The following URM1 variants were observed in gnomAD, a reference collection of about 807,000 sequenced individuals.
URM1 encodes the protein ubiquitin-related modifier 1.
In URM1, 11 loss-of-function variants were observed where a neutral mutation model predicts 17.7. That is an observed-to-expected ratio of 0.62 (90% CI 0.39 to 1.03). URM1 has a LOEUF of 1.03. Among genes scored for constraint, URM1 ranks in the 50% least tolerant of loss-of-function variants. The pLI, the probability that URM1 is intolerant of heterozygous loss-of-function variation, is 0.00. For missense variants in URM1, 128 were observed against 129.2 expected (o/e 0.99, Z 0.04); for synonymous variants, 48 against 50.6 (o/e 0.95, Z 0.22).
intron 2 of URM1, among the ~76,000 whole-genome samples, chr9:128,378,542 CAAA>C (rs58676800): frequency 8.1e-3 from 185 of 22,928 alleles, no homozygotes; most frequent in African/African-American, 0.016. Context: ...GACTCCATCT[CAAA>C]AAAAAAAAAA....
At chr9:128,377,127 C>T (rs1006112369) in intron 1 of URM1, among the ~76,000 whole-genome samples, 1 of 152,192 alleles carries the variant, frequency 6.6e-6, no homozygotes, top group African/African-American at 2.4e-5. Context: ...TCGCCTTGGC[C>T]TCCCACAGTG....
chr9:128,385,956 T>A (rs764838122), intron 2 of URM1, among the ~76,000 whole-genome samples: 26 of 152,152 alleles, frequency 1.7e-4, no homozygotes, highest in Non-Finnish European at 3.5e-4. Flanking sequence ...GGCAGCAGAC[T>A]CATCCCCCAG....
At chr9:128,371,446 T>G (rs780402101) in intron 1 of URM1, 31 bp downstream of exon 1, 3 of 1,606,494 alleles carry the variant, frequency 1.9e-6, no homozygotes, top group Admixed American at 3.4e-5. Context: ...GCCGTGGGGA[T>G]GGATTGAAGT....
chr9:128,382,537 A>AG (rs1023636730), intron 2 of URM1, among the ~76,000 whole-genome samples: 1 of 152,206 alleles, frequency 6.6e-6, no homozygotes, highest in Non-Finnish European at 1.5e-5. Context: ...CTCCTAGGCC[A>AG]GGGGAGAGCT....
intron 1 of URM1, 48 bp from the exon 2 acceptor site, chr9:128,377,988 T>C (rs763089964): frequency 6.2e-7 from 1 of 1,607,050 alleles, no homozygotes; most frequent in Non-Finnish European, 8.5e-7. Context: ...CCTCTTCCTA[T>C]TTGCAGGAGC....
chr9:128,384,948 A>G (rs1182195030), intron 2 of URM1, among the ~76,000 whole-genome samples: 1 of 152,054 alleles, frequency 6.6e-6, no homozygotes, highest in African/African-American at 2.4e-5. Flanking sequence ...AGTAATGGTA[A>G]TGGTAGTGCC....
At chr9:128,383,110 C>T (rs576546720) in intron 2 of URM1, among the ~76,000 whole-genome samples, 95 of 152,316 alleles carry the variant, frequency 6.2e-4, no homozygotes, top group African/African-American at 2.1e-3. Context: ...TTCACAGCCT[C>T]TCTGGGGCCA....
At chr9:128,372,725 T>C (rs1201373519) in intron 1 of URM1, among the ~76,000 whole-genome samples, 1 of 152,154 alleles carries the variant, frequency 6.6e-6, no homozygotes, top group Non-Finnish European at 1.5e-5. Context: ...GGATCCCTGC[T>C]TCCTTGACAG....
At chr9:128,388,509 A>C in intron 3 of URM1, 1 of 986,194 alleles carries the variant, frequency 1.0e-6, no homozygotes, top group Non-Finnish European at 1.2e-6. Flanking sequence ...TGGCCGGTGC[A>C]GTTGTGAGGC....
Position 128,387,769 on chromosome 9 carries a change from G to T in URM1, c.107-47G>T, listed in dbSNP as rs750031025. 6.2e-7 allele frequency: 1 copy of T among 1,612,590 alleles called. No homozygotes were observed. Among genetic ancestry groups the T allele is most frequent in the South Asian group, 1.1e-5 (1 of 91,042 alleles). ...CAGGCAAGGCTCTGGGGGTGGGCAG[G>T]TGCTATTTGGGTTTGACAAGAGTTT... On this transcript the variant is annotated intron_variant, in intron 2 of 4. Coordinates refer to ENST00000372853, the MANE Select transcript of URM1 (RefSeq NM_030914.4). This position sits in a 1 kb window ranked among gnomAD's most constrained non-coding sequence, Gnocchi z 4.3.
At chr9:128,386,068 G>A (rs1833223017) in intron 2 of URM1, among the ~76,000 whole-genome samples, 1 of 152,276 alleles carries the variant, frequency 6.6e-6, no homozygotes, top group Middle Eastern at 3.4e-3. Context: ...TGGAGCAGAA[G>A]CACCTTCCCT....
intron 1 of URM1, among the ~76,000 whole-genome samples, chr9:128,372,691 T>A (rs898163669): frequency 3.3e-5 from 5 of 152,004 alleles, no homozygotes; most frequent in African/African-American, 1.2e-4. Flanking sequence ...CCAGCTACAC[T>A]CCCCAAAGCC....
Position 128,387,045 on chromosome 9 carries a change from G to A in URM1, c.107-771G>A, listed in dbSNP as rs1833237682. On this transcript the variant is annotated intron_variant, in intron 2 of 4. Transcript: ENST00000372853. This position sits in a 1 kb window ranked among gnomAD's most constrained non-coding sequence, Gnocchi z 4.3. ...GCCCGATACTGCTGCCCCTAGGAAAGGACAGGTGACCCTGAAGACAGGTGG... is the reference window on the plus strand; with the variant it reads ...GCCCGATACTGCTGCCCCTAGGAAAAGACAGGTGACCCTGAAGACAGGTGG... Among the ~76,000 whole-genome samples the A allele has an allele frequency of 6.6e-6, 1 of 152,230 alleles. No homozygotes were observed. The highest frequency in any genetic ancestry group is 1.5e-5 in the Non-Finnish European group (1 of 68,036).
intron 2 of URM1, among the ~76,000 whole-genome samples, chr9:128,380,678 C>T (rs569782931): frequency 1.7e-4 from 26 of 150,064 alleles, no homozygotes; most frequent in African/African-American, 5.9e-4. Flanking sequence ...CTCTGTCTCC[C>T]AGGCTGAAGT....
chr9:128,375,586 G>T (rs1488219056), intron 1 of URM1, among the ~76,000 whole-genome samples: 1 of 152,020 alleles, frequency 6.6e-6, no homozygotes, highest in Non-Finnish European at 1.5e-5. Flanking sequence ...TTGAGATAGG[G>T]TCTCACTGTG....
Position 128,390,498 on chromosome 9 carries a change from G to C in URM1, c.*764G>C, listed in dbSNP as rs141115931. On this transcript the variant is annotated 3_prime_UTR_variant, in exon 5 of 5. Transcript: ENST00000372853. ...AGCAAGTAGAAGCCTGGGGGGATGC[G>C]TGTGCCTCAGTTTCCTCCTCCACAA... The C allele has an allele frequency of 7.3e-5, 11 of 149,838 alleles. No individual in the cohort carries two copies. Among genetic ancestry groups the C allele is most frequent in the African/African-American group, 2.8e-4 (11 of 39,326 alleles). 9.3% of individuals were successfully genotyped at this position (149,838 alleles called of 1,614,324 possible).
At chr9:128,380,030 T>C (rs1404408703) in intron 2 of URM1, among the ~76,000 whole-genome samples, 1 of 152,064 alleles carries the variant, frequency 6.6e-6, no homozygotes, top group East Asian at 1.9e-4. Flanking sequence ...GAAGGATTGC[T>C]TGAGCCCAGG....
At chr9:128,384,883 C>CT (rs1285128665) in intron 2 of URM1, among the ~76,000 whole-genome samples, 1 of 152,140 alleles carries the variant, frequency 6.6e-6, no homozygotes, top group African/African-American at 2.4e-5. Context: ...GGTCCATACT[C>CT]TTAGTCTCTT....
At position 128,391,875 on chromosome 9, in the gene URM1, A is replaced by G. The variant is rs1188668075; in HGVS notation, c.*2141A>G. On this transcript the variant is annotated 3_prime_UTR_variant, in exon 5 of 5. Transcript: ENST00000372853. ...AAGGCACACCAGACGATTTCAGGTC[A>G]TTTTTAGCCCTAGACTGGAAAGGGG... is the stretch of plus-strand genomic sequence containing the variant. 3 of 152,208 alleles carry G rather than the reference A, an allele frequency of 2.0e-5. No homozygotes were observed. In the East Asian group the frequency reaches 5.8e-4, roughly 29 times the overall value. 9.4% of individuals were successfully genotyped at this position (152,208 alleles called of 1,614,324 possible). A position where few individuals can be genotyped will look rare whatever the true frequency, so the allele number is the denominator to read the frequency against.
Sources: gnomAD v4.1 joint callset for allele counts (sites outside exome capture counted in the v4.1 genomes callset) on GRCh38, gnomAD v4.1.1 for gene constraint, Gnocchi (gnomAD v3.1) non-coding constraint, MANE v1.5 for transcripts, NCBI Gene and HGNC (gene_info 2026-07-23, HGNC 2026-07-21) for gene names.